TCF7L2: variants seen among roughly 807,000 people sequenced by gnomAD.
The protein encoded by TCF7L2 is transcription factor 7 like 2.
TCF7L2 carries 23 observed loss-of-function variants against 77.9 expected under a neutral mutation model. The observed-to-expected ratio is 0.30, with a 90% CI of 0.21 to 0.42. TCF7L2 has a LOEUF of 0.42. TCF7L2 is among the 10% of genes least tolerant of loss of function. The pLI, the probability that TCF7L2 is intolerant of heterozygous loss-of-function variation, is 1.00. For synonymous variants in TCF7L2, 413 were observed against 340.2 expected, an observed-to-expected ratio of 1.21 and a Z score of -2.36; for missense variants, 654 against 793.1, an observed-to-expected ratio of 0.82 and a Z score of 2.11.
chr10:113,106,702 C>T (rs150405517), intron 5 of TCF7L2, among the ~76,000 whole-genome samples: 42 of 152,288 alleles, frequency 2.8e-4, no homozygotes, highest in Non-Finnish European at 1.0e-4. Context: ...AGTGAATGTG[C>T]TTTAGCGATA....
At chr10:112,967,935 A>G (rs2037376984) in intron 4 of TCF7L2, among the ~76,000 whole-genome samples, 1 of 152,210 alleles carries the variant, frequency 6.6e-6, no homozygotes, top group Non-Finnish European at 1.5e-5. Context: ...GCTCCTGGCC[A>G]AAAATTAAAA....
intron 5 of TCF7L2, among the ~76,000 whole-genome samples, chr10:113,094,840 CG>C (rs781224515): frequency 5.9e-5 from 9 of 152,166 alleles, no homozygotes; most frequent in Non-Finnish European, 2.9e-5. Flanking sequence ...CGCTGTTGGC[CG>C]GGCACTGTGG....
chr10:113,047,018 A>G (rs757238459), intron 5 of TCF7L2, among the ~76,000 whole-genome samples: 3 of 152,202 alleles, frequency 2.0e-5, no homozygotes, highest in Admixed American at 6.5e-5. Context: ...TAATGACCAC[A>G]TAACAGTCCA....
At chr10:113,137,570 C>T (rs1564945775) in intron 5 of TCF7L2, among the ~76,000 whole-genome samples, 1 of 152,114 alleles carries the variant, frequency 6.6e-6, no homozygotes, top group African/African-American at 2.4e-5. Flanking sequence ...GCCAGTTGCC[C>T]CTAAAACCCT....
intron 4 of TCF7L2, among the ~76,000 whole-genome samples, chr10:112,988,639 T>C (rs1264932599): frequency 6.6e-6 from 1 of 152,196 alleles, no homozygotes; most frequent in African/African-American, 2.4e-5. Context: ...GAGCCTAGGC[T>C]CAATTTTTCC....
At chr10:113,098,427 C>A (rs2061291766) in intron 5 of TCF7L2, among the ~76,000 whole-genome samples, 1 of 152,052 alleles carries the variant, frequency 6.6e-6, no homozygotes, top group Admixed American at 6.6e-5. Flanking sequence ...GTATTTTAGG[C>A]CGGGCTCGGT....
chr10:113,093,956 G>T (rs2135721204), intron 5 of TCF7L2, among the ~76,000 whole-genome samples: 1 of 152,242 alleles, frequency 6.6e-6, no homozygotes, highest in Middle Eastern at 3.4e-3. Flanking sequence ...CCTCTTCAGG[G>T]GTTCTATAAA....
At chr10:112,988,318 C>T (rs1171179347) in intron 4 of TCF7L2, among the ~76,000 whole-genome samples, 5 of 152,076 alleles carry the variant, frequency 3.3e-5, no homozygotes, top group Non-Finnish European at 5.9e-5. Context: ...AGGCTGGTCT[C>T]GAACTCCTGA....
chr10:113,004,860 G>T (rs147277283), intron 4 of TCF7L2, among the ~76,000 whole-genome samples: 4,560 of 152,116 alleles, frequency 0.03, 125 homozygotes, highest in Non-Finnish European at 0.043. Context: ...TTTTAGTAGA[G>T]ATGGGGTTCC....
intron 4 of TCF7L2, among the ~76,000 whole-genome samples, chr10:113,018,826 CT>C (rs1459894525): frequency 1.3e-5 from 2 of 152,148 alleles, no homozygotes; most frequent in African/African-American, 4.8e-5. Context: ...CTGGGGTGGA[CT>C]GCCGGGATCT....
intron 5 of TCF7L2, among the ~76,000 whole-genome samples, chr10:113,117,418 TCTCTCTCTCTCTCTCC>T (rs1564916436): frequency 0.023 from 958 of 41,748 alleles, 135 homozygotes; most frequent in Middle Eastern, 0.085. Context: ...TCTCTCTCTC[TCTCTCTCTCTCTCTCC>T]CTCTCTCTCT....
intron 4 of TCF7L2, among the ~76,000 whole-genome samples, chr10:113,000,926 G>A (rs142881428): frequency 6.6e-6 from 1 of 152,150 alleles, no homozygotes; most frequent in Non-Finnish European, 1.5e-5. Context: ...TTCACTTCCC[G>A]GCCTTCCACT....
At chr10:113,033,318 G>A (rs1365156117) in intron 4 of TCF7L2, among the ~76,000 whole-genome samples, 2 of 151,746 alleles carry the variant, frequency 1.3e-5, no homozygotes, top group African/African-American at 2.4e-5. Context: ...GAGTGCAGTG[G>A]CACCTTCTTG....
At chr10:112,980,317 A>G (rs973235580) in intron 4 of TCF7L2, among the ~76,000 whole-genome samples, 11 of 152,238 alleles carry the variant, frequency 7.2e-5, no homozygotes, top group Non-Finnish European at 2.9e-5. Flanking sequence ...TTTCTGATGT[A>G]ATAGCAAAGC....
intron 13 of TCF7L2, chr10:113,161,374 G>A: frequency 5.0e-6 from 3 of 603,464 alleles, no homozygotes; most frequent in Non-Finnish European, 8.9e-6. Context: ...TGTAGCATTG[G>A]TTCCAAAAGG....
intron 4 of TCF7L2, among the ~76,000 whole-genome samples, chr10:112,990,778 G>A (rs533456747): frequency 6.6e-6 from 1 of 152,224 alleles, no homozygotes; most frequent in South Asian, 2.1e-4. Context: ...CTTTTACATG[G>A]CCAAGCCACT....
chr10:112,955,232 G>A (rs548899177), intron 3 of TCF7L2, among the ~76,000 whole-genome samples: 210 of 151,994 alleles, frequency 1.4e-3, no homozygotes, highest in African/African-American at 4.9e-3. Context: ...AATGCTTATC[G>A]CCCTGAAAAA....
chr10:113,071,036 GC>G (rs1170769923), intron 5 of TCF7L2, among the ~76,000 whole-genome samples: 2 of 152,106 alleles, frequency 1.3e-5, no homozygotes, highest in African/African-American at 4.8e-5. Flanking sequence ...GAAATCATAG[GC>G]CCGTGGTCTT....
intron 13 of TCF7L2, chr10:113,160,744 G>A (rs2137473442): frequency 1.3e-6 from 2 of 1,483,388 alleles, no homozygotes; most frequent in Non-Finnish European, 1.8e-6. Flanking sequence ...TGTCCTTCCG[G>A]TACCTTAGCG....
Sources: allele counts gnomAD v4.1 joint callset (sites outside exome capture counted in the v4.1 genomes callset), GRCh38; gene constraint gnomAD v4.1.1; transcripts MANE v1.5; gene names NCBI Gene and HGNC (gene_info 2026-07-23, HGNC 2026-07-21).